PNPLA7: variants seen among roughly 807,000 people sequenced by gnomAD.
PNPLA7 encodes the protein patatin-like phospholipase domain-containing protein 7.
Under a neutral mutation model 161.7 loss-of-function variants are expected in PNPLA7, and 153 were observed. The ratio of observed to expected loss-of-function variants is 0.95; its 90% CI spans 0.83 to 1.08. The LOEUF is 1.08. Among genes scored for constraint, PNPLA7 ranks in the 50% least tolerant of loss-of-function variants. PNPLA7 has a pLI of 0.00. For synonymous variants in PNPLA7, 809 were observed against 782.1 expected (o/e 1.03, Z -0.57); for missense variants, 1,739 against 1,856.6 (o/e 0.94, Z 1.16).
rs765121006 is a variant in PNPLA7, at chr9:137,480,351, G to A, written c.2541C>T (p.Leu847=). 5.0e-6 allele frequency: 8 copies of A among 1,613,408 alleles called. No homozygotes were observed. The highest frequency in any genetic ancestry group is 6.8e-6 in the Non-Finnish European group (8 of 1,179,948). The change falls in exon 23 of 35, where the codon CTC becomes CTT. Residue 847 remains leucine, a synonymous_variant. Coordinates refer to ENST00000406427, the MANE Select transcript of PNPLA7 (RefSeq NM_001098537.3). The part of the protein sequence containing the change: ...QRCVRQADCI[L]IVGLGDQEPT... ...GCTCCTGGTCACCCAGGCCCACGAT[G>A]AGGATGCAGTCGGCCTGGCGCACGC...
At chr9:137,533,655 G>A (rs1218652785) in intron 8 of PNPLA7, among the ~76,000 whole-genome samples, 2 of 143,370 alleles carry the variant, frequency 1.4e-5, no homozygotes, top group Non-Finnish European at 3.0e-5. Context: ...GTCCACTCCA[G>A]ATGGGAGCAC....
At chr9:137,515,930 C>T (rs1456862934) in intron 11 of PNPLA7, among the ~76,000 whole-genome samples, 1 of 14,410 alleles carries the variant, frequency 6.9e-5, no homozygotes, top group African/African-American at 3.6e-4. Context: ...ATGCCCCTCC[C>T]CCAAATCCAC....
chr9:137,496,598 C>G (rs1459463149), intron 18 of PNPLA7, among the ~76,000 whole-genome samples: 1 of 152,102 alleles, frequency 6.6e-6, no homozygotes, highest in Non-Finnish European at 1.5e-5. Context: ...TTAATCCCAG[C>G]TACTCCGGAG....
Position 137,515,364 on chromosome 9 carries a change from G to C in PNPLA7, c.1225+15C>G. 1 of 1,595,148 alleles carries C rather than the reference G, an allele frequency of 6.3e-7. No individual in the cohort carries two copies. Among genetic ancestry groups the C allele is most frequent in the Non-Finnish European group, 8.5e-7 (1 of 1,172,024 alleles). On this transcript the variant is annotated intron_variant, in intron 12 of 34. Transcript: ENST00000406427. ...TGTGGGTCACACTGGCTGGGCAGCC[G>C]TCGAGGTTCTTTACCTTGTGGGGCC...
chr9:137,487,513 G>A (rs780589453), intron 20 of PNPLA7, among the ~76,000 whole-genome samples: 9 of 152,224 alleles, frequency 5.9e-5, no homozygotes, highest in Non-Finnish European at 5.9e-5. Flanking sequence ...GAAAAGAACC[G>A]GGGCACTGGC....
In PNPLA7 at chr9:137,515,370, G is replaced by A; in HGVS notation, c.1225+9C>T. On this transcript the variant is annotated intron_variant, in intron 12 of 34. Transcript: ENST00000406427. The stretch of plus-strand genomic sequence containing the variant: ...TCACACTGGCTGGGCAGCCGTCGAG[G>A]TTCTTTACCTTGTGGGGCCGAAGGG... The A allele has an allele frequency of 6.3e-7, 1 of 1,598,548 alleles. No individual in the cohort carries two copies. The highest frequency in any genetic ancestry group is 8.5e-7 in the Non-Finnish European group (1 of 1,173,804).
chr9:137,509,121 TTGGCATGAGTGAGTTTAGC>T (rs894573499), intron 12 of PNPLA7: 8 of 154,244 alleles, frequency 5.2e-5, no homozygotes, highest in South Asian at 2.0e-4. Flanking sequence ...ATGAGTTTAA[TTGGCATGAGTGAGTTTAGC>T]TGGCATGAGT....
Position 137,491,315 on chromosome 9 carries a change from G to T in PNPLA7, c.2197+1698C>A, listed in dbSNP as rs80021285. Among the ~76,000 whole-genome samples, 597 of 152,266 alleles carry T rather than the reference G, an allele frequency of 3.9e-3. 5 individuals carry two copies. The highest frequency in any genetic ancestry group is 0.014 in the African/African-American group (573 of 41,532). On this transcript the variant is annotated intron_variant, in intron 20 of 34. Coordinates refer to ENST00000406427, the MANE Select transcript of PNPLA7 (RefSeq NM_001098537.3). ...CAGTAGTGTTTAACAACAGTGGGGG[G>T]CGTGAGAACAGAAAAAACAACAAAA...
chr9:137,546,008 C>CCT lies in PNPLA7; in HGVS notation c.273+821_273+822insAG, dbSNP rs1420898492. Among the ~76,000 whole-genome samples the CCT allele has an allele frequency of 6.1e-4, 93 of 152,218 alleles. 1 individual carries two copies. In the East Asian group the frequency reaches 0.012, roughly 20 times the overall value. ...TGGAGGGCCTGACATCAGTCAGGTT[C>CCT]GCCCGCAGTTATCCGGAGGCCTAAC... On this transcript the variant is annotated intron_variant, in intron 4 of 34. Coordinates refer to ENST00000406427, the MANE Select transcript of PNPLA7 (RefSeq NM_001098537.3).
intron 4 of PNPLA7, among the ~76,000 whole-genome samples, chr9:137,544,097 C>G (rs1836360006): frequency 6.6e-6 from 1 of 152,252 alleles, no homozygotes; most frequent in Non-Finnish European, 1.5e-5. Flanking sequence ...GCCCCGAAGG[C>G]TGACACCCGC....
intron 14 of PNPLA7, among the ~76,000 whole-genome samples, chr9:137,504,619 G>C (rs1007059561): frequency 3.3e-5 from 5 of 152,176 alleles, no homozygotes; most frequent in Admixed American, 3.3e-4. Context: ...GACACAGTCA[G>C]GGGTCCAGGA....
chr9:137,494,719 C>G (rs1832950713), intron 19 of PNPLA7, among the ~76,000 whole-genome samples: 1 of 149,532 alleles, frequency 6.7e-6, no homozygotes, highest in Non-Finnish European at 1.5e-5. Flanking sequence ...TTCACCTGCT[C>G]TGCGCCCTCA....
intron 14 of PNPLA7, among the ~76,000 whole-genome samples, chr9:137,503,598 A>T (rs1356024996): frequency 1.4e-4 from 20 of 138,750 alleles, no homozygotes; most frequent in Admixed American, 5.8e-4. Flanking sequence ...AGGGAGAAGG[A>T]GAAGGAGGAA....
intron 9 of PNPLA7, among the ~76,000 whole-genome samples, 163 bp downstream of exon 9, chr9:137,522,566 A>G (rs548954069): frequency 1.8e-4 from 28 of 152,382 alleles, no homozygotes; most frequent in African/African-American, 6.3e-4. Flanking sequence ...AGTCCCGCCA[A>G]TGAAGTTGAT....
Position 137,460,656 on chromosome 9 carries a change from G to A in PNPLA7, c.3923C>T (p.Ser1308Leu). The change falls in exon 34 of 35, where the codon TCA becomes TTA. Residue 1308 changes from serine to leucine, a missense_variant. Physicochemically the swap from Ser to Leu is moderately radical, Grantham distance 145. Around this residue, in one of 6 missense-constraint regions of PNPLA7, gnomAD observed 703 missense variants for 694.6 expected, o/e 1.01. Coordinates refer to ENST00000406427, the MANE Select transcript of PNPLA7 (RefSeq NM_001098537.3). ...RDAYADFQST[S>L]AQQGSDLEDE... ...CACCAAGTCTGAGCCCTGCTGGGCT[G>A]AGGTGCTCTGGAAGTCTGCGTATGC... 1 of 1,612,770 alleles carries A rather than the reference G, an allele frequency of 6.2e-7. No homozygotes were observed. The highest frequency in any genetic ancestry group is 2.2e-5 in the East Asian group (1 of 44,884).
chr9:137,520,348 C>T lies in PNPLA7; in HGVS notation c.958-305G>A, dbSNP rs1834921933. On this transcript the variant is annotated intron_variant, in intron 10 of 34. Coordinates refer to ENST00000406427, the MANE Select transcript of PNPLA7 (RefSeq NM_001098537.3). This position sits in a 1 kb window ranked among gnomAD's most constrained non-coding sequence, Gnocchi z 5.2. ...GACTGGTCTGTTTAAGGCAACCAAG[C>T]TCAGCCTGCTTTTACCCTAGGCCCT... Among the ~76,000 whole-genome samples the T allele has an allele frequency of 6.6e-6, 1 of 152,190 alleles. No individual in the cohort carries two copies. The highest frequency in any genetic ancestry group is 1.5e-5 in the Non-Finnish European group (1 of 68,030).
intron 4 of PNPLA7, among the ~76,000 whole-genome samples, chr9:137,545,905 T>G (rs921056762): frequency 6.6e-6 from 1 of 152,078 alleles, no homozygotes; most frequent in Non-Finnish European, 1.5e-5. Flanking sequence ...GAAAAACACC[T>G]GCTACTTAGC....
rs1836129483 is a variant in PNPLA7, at chr9:137,540,381, C to G, written c.747+261G>C. Among the ~76,000 whole-genome samples the G allele has an allele frequency of 6.6e-6, 1 of 152,222 alleles. No homozygotes were observed. The highest frequency in any genetic ancestry group is 6.5e-5 in the Admixed American group (1 of 15,286). On this transcript the variant is annotated intron_variant, in intron 8 of 34. Coordinates refer to ENST00000406427, the MANE Select transcript of PNPLA7 (RefSeq NM_001098537.3). This position sits in a 1 kb window ranked among gnomAD's most constrained non-coding sequence, Gnocchi z 5.1. ...TGCCTTTTGAATGCTGAACCACATG[C>G]ATTTATGACCCAGTTCAACAACAGT...
In PNPLA7 at chr9:137,476,994, C is replaced by T. The variant is rs933407712; in HGVS notation, c.2882+1040G>A. Among the ~76,000 whole-genome samples the T allele has an allele frequency of 6.6e-6, 1 of 152,250 alleles. No homozygotes were observed. The highest frequency in any genetic ancestry group is 6.5e-5 in the Admixed American group (1 of 15,288). On this transcript the variant is annotated intron_variant, in intron 25 of 34. Transcript: ENST00000406427. This position sits in a 1 kb window ranked among gnomAD's most constrained non-coding sequence, Gnocchi z 4.5. ...AAGCATCCTCGAGGCCCTGGGGCCA[C>T]CTCCGAGCTTTTCCCGGGGTAGCAG... is the stretch of plus-strand genomic sequence containing the variant.
Sources: gnomAD v4.1 joint callset for allele counts (sites outside exome capture counted in the v4.1 genomes callset) on GRCh38, gnomAD v4.1.1 for gene constraint, gnomAD v4.1.1 regional missense constraint, Gnocchi (gnomAD v3.1) non-coding constraint, MANE v1.5 for transcripts, NCBI Gene and HGNC (gene_info 2026-07-23, HGNC 2026-07-21) for gene names.